THSD7B: variants seen among roughly 807,000 people sequenced by gnomAD.
THSD7B encodes the protein thrombospondin type-1 domain-containing protein 7B.
In THSD7B, 138 loss-of-function variants were observed where a neutral mutation model predicts 213.6. The ratio of observed to expected loss-of-function variants is 0.65; its 90% CI spans 0.56 to 0.74. The LOEUF is 0.74. Among genes scored for constraint, THSD7B ranks in the 30% least tolerant of loss-of-function variants. The pLI is 0.00. For synonymous variants in THSD7B, 742 were observed against 687.0 expected, an observed-to-expected ratio of 1.08 and a Z score of -1.25; for missense variants, 1,931 against 1,991.5, an observed-to-expected ratio of 0.97 and a Z score of 0.58.
chr2:137,442,376 T>C (rs1275320998), intron 14 of THSD7B, among the ~76,000 whole-genome samples: 2 of 152,110 alleles, frequency 1.3e-5, no homozygotes, highest in African/African-American at 2.4e-5. Context: ...CTTCTGAAGA[T>C]GCTTTGTTGT....
At chr2:136,955,107 C>A (rs1396577553) in intron 2 of THSD7B, among the ~76,000 whole-genome samples, 1 of 152,166 alleles carries the variant, frequency 6.6e-6, no homozygotes, top group Non-Finnish European at 1.5e-5. Flanking sequence ...GTTATGCTAA[C>A]AATGCAGAAA....
rs1246056674 is a variant in THSD7B at position 137,419,372 on chromosome 2, G to GTTTTTTTTTTTTTTTTTTTTTTTTT, written c.2959+7502_2959+7503insTTTTTTTTTTTTTTTTTTTTTTTTT. ...AGCCCCCACTTTTGGTGGGTCCTGA[G>GTTTTTTTTTTTTTTTTTTTTTTTTT]TTCTTGTCCCACATCAAAGAAGAAT... On this transcript the variant is annotated intron_variant, in intron 14 of 27. Transcript: ENST00000409968. 2.0e-4 allele frequency among the ~76,000 whole-genome samples: 16 copies of GTTTTTTTTTTTTTTTTTTTTTTTTT among 81,390 alleles called. 3 individuals carry two copies. The highest frequency in any genetic ancestry group is 3.0e-4 in the Non-Finnish European group (9 of 29,514). The allele number at this position is 81,390 out of a possible 152,430, so 53.4% of individuals were successfully genotyped here.
intron 1 of THSD7B, among the ~76,000 whole-genome samples, chr2:136,881,054 A>G (rs1051838764): frequency 1.1e-4 from 17 of 152,100 alleles, no homozygotes; most frequent in African/African-American, 3.9e-4. Flanking sequence ...CCCAAACACA[A>G]AACGCATTTC....
intron 1 of THSD7B, among the ~76,000 whole-genome samples, chr2:136,796,611 G>T (rs1199273660): frequency 1.3e-5 from 2 of 151,900 alleles, no homozygotes; most frequent in Non-Finnish European, 2.9e-5. Flanking sequence ...GATTTTCAGA[G>T]ATTAAGTTCT....
intron 2 of THSD7B, among the ~76,000 whole-genome samples, chr2:136,977,495 CT>C (rs1198223436): frequency 6.6e-6 from 1 of 152,076 alleles, no homozygotes; most frequent in Non-Finnish European, 1.5e-5. Context: ...TTCTTGTCTT[CT>C]GCTGGCTTTA....
At chr2:137,147,810 A>AT (rs1679733358) in intron 5 of THSD7B, among the ~76,000 whole-genome samples, 1 of 151,970 alleles carries the variant, frequency 6.6e-6, no homozygotes, top group Admixed American at 6.6e-5. Flanking sequence ...TTCTTACCGG[A>AT]TCTTCCTGTT....
chr2:137,193,542 A>G (rs114263059), intron 7 of THSD7B, among the ~76,000 whole-genome samples: 1,666 of 152,204 alleles, frequency 0.011, 42 homozygotes, highest in African/African-American at 0.037. Context: ...GACAGGACAC[A>G]TCTGATTGAC....
intron 21 of THSD7B, 104 bp from the exon 22 acceptor site, chr2:137,655,397 C>A: frequency 7.8e-7 from 1 of 1,282,630 alleles, no homozygotes; most frequent in Non-Finnish European, 1.1e-6. Flanking sequence ...GAGGAAGCTA[C>A]GAAAATATGC....
chr2:137,073,822 C>A (rs561966697), intron 3 of THSD7B, among the ~76,000 whole-genome samples: 5 of 152,334 alleles, frequency 3.3e-5, no homozygotes, highest in Admixed American at 1.3e-4. Flanking sequence ...ATCTTTATTT[C>A]TGCCTTCAGT....
At chr2:137,169,806 CCTT>C (rs1277684338) in intron 6 of THSD7B, among the ~76,000 whole-genome samples, 1 of 152,028 alleles carries the variant, frequency 6.6e-6, no homozygotes, top group Non-Finnish European at 1.5e-5. Flanking sequence ...GGTTCTCAGT[CCTT>C]CTTTATTAGG....
chr2:137,059,659 C>T (rs533792674), intron 3 of THSD7B, among the ~76,000 whole-genome samples: 31 of 151,712 alleles, frequency 2.0e-4, no homozygotes, highest in Non-Finnish European at 3.8e-4. Flanking sequence ...TGACTTATTT[C>T]ACTTTGCAAT....
At chr2:136,942,432 A>T (rs1021731772) in intron 2 of THSD7B, among the ~76,000 whole-genome samples, 1 of 152,262 alleles carries the variant, frequency 6.6e-6, no homozygotes, top group East Asian at 1.9e-4. Context: ...TCTATAAATT[A>T]TCTTGGGCAG....
intron 15 of THSD7B, among the ~76,000 whole-genome samples, chr2:137,470,850 T>G (rs1688077274): frequency 6.6e-6 from 1 of 152,160 alleles, no homozygotes; most frequent in South Asian, 2.1e-4. Flanking sequence ...AGTATACCAG[T>G]ATAATGACTG....
At chr2:136,951,263 T>G (rs546852139) in intron 2 of THSD7B, among the ~76,000 whole-genome samples, 48 of 152,300 alleles carry the variant, frequency 3.2e-4, no homozygotes, top group South Asian at 8.3e-4. Context: ...ACAAAATATT[T>G]TTTCCTCTCT....
At chr2:137,627,455 T>C (rs533845197) in intron 20 of THSD7B, among the ~76,000 whole-genome samples, 5 of 152,300 alleles carry the variant, frequency 3.3e-5, no homozygotes, top group African/African-American at 1.2e-4. Flanking sequence ...CTGGATCTGA[T>C]TGTCAACCAA....
chr2:137,322,266 C>T (rs1314563715), intron 12 of THSD7B, among the ~76,000 whole-genome samples: 1 of 152,150 alleles, frequency 6.6e-6, no homozygotes, highest in African/African-American at 2.4e-5. Flanking sequence ...CCTGTGAAAA[C>T]TTTAGTTCCC....
intron 1 of THSD7B, among the ~76,000 whole-genome samples, chr2:136,800,571 G>T (rs1682158547): frequency 6.6e-6 from 1 of 151,968 alleles, no homozygotes. Flanking sequence ...ACACAGTTAG[G>T]TGAAACTGTT....
At chr2:137,641,259 A>G (rs539600501) in intron 20 of THSD7B, among the ~76,000 whole-genome samples, 1 of 152,264 alleles carries the variant, frequency 6.6e-6, no homozygotes, top group East Asian at 1.9e-4. Context: ...CCTCAGATAT[A>G]TGATCCTTTG....
chr2:136,904,589 C>T (rs1308056439), intron 2 of THSD7B, among the ~76,000 whole-genome samples: 1 of 152,180 alleles, frequency 6.6e-6, no homozygotes, highest in Non-Finnish European at 1.5e-5. Context: ...GGCAGAGGTT[C>T]CCTGCCCTGT....
Sources: gnomAD v4.1 joint callset for allele counts (sites outside exome capture counted in the v4.1 genomes callset) on GRCh38, gnomAD v4.1.1 for gene constraint, MANE v1.5 for transcripts, NCBI Gene and HGNC (gene_info 2026-07-23, HGNC 2026-07-21) for gene names.